Variants in PCDH9 observed in about 807,000 individuals in gnomAD.
PCDH9 encodes the protein protocadherin-9.
A neutral mutation model predicts 70.6 loss-of-function variants in PCDH9; 24 were observed. That is an observed-to-expected ratio of 0.34 (90% confidence interval 0.25 to 0.48). The LOEUF (loss-of-function observed/expected upper bound fraction) is 0.48, where lower values mean the gene tolerates loss of function less well. Among genes scored for constraint, PCDH9 ranks in the 20% least tolerant of loss-of-function variants. The pLI is 0.99. For synonymous variants in PCDH9, 562 were observed against 558.5 expected, an observed-to-expected ratio of 1.01 and a Z score of -0.09; for missense variants, 1,281 against 1,503.6, an observed-to-expected ratio of 0.85 and a Z score of 2.45.
chr13:66,950,180 G>T (rs1010632712), intron 2 of PCDH9, among the ~76,000 whole-genome samples: 17 of 152,048 alleles, frequency 1.1e-4, no homozygotes, highest in African/African-American at 4.1e-4. Flanking sequence ...GTTTAAGAAT[G>T]GTTGTATATG....
intron 2 of PCDH9, chr13:67,204,420 T>C (rs2089290681): frequency 1.3e-5 from 2 of 152,248 alleles, no homozygotes; most frequent in African/African-American, 4.8e-5. Flanking sequence ...AGAAAAATCA[T>C]TACAGAATTT....
chr13:66,465,625 T>C (rs1958501898), intron 4 of PCDH9, among the ~76,000 whole-genome samples: 1 of 151,900 alleles, frequency 6.6e-6, no homozygotes, highest in Admixed American at 6.6e-5. Flanking sequence ...AACAATGAAC[T>C]AGGCTCTTCC....
rs188537523 is a variant in PCDH9 at position 67,207,149 on chromosome 13, A to G, written c.3036+18256T>C. On this transcript the variant is annotated intron_variant, in intron 2 of 4. Coordinates refer to ENST00000377865, the MANE Select transcript of PCDH9 (RefSeq NM_203487.3). The stretch of plus-strand genomic sequence containing the variant: ...AAATTTGTATAATAATGAAGCAAAA[A>G]AAAAAAAAAGGTTAAATTAGACTTC... The G allele has an allele frequency of 3.7e-3, 558 of 152,142 alleles. 5 individuals carry two copies. The highest frequency in any genetic ancestry group is 0.012 in the African/African-American group (519 of 41,526). The allele number at this position is 152,142 out of a possible 1,614,324, so 9.4% of individuals were successfully genotyped here.
intron 3 of PCDH9, among the ~76,000 whole-genome samples, chr13:66,677,803 C>G (rs2078264928): frequency 6.6e-6 from 1 of 152,080 alleles, no homozygotes; most frequent in African/African-American, 2.4e-5. Flanking sequence ...AACCTCTTCT[C>G]TTTATAAATT....
At chr13:66,914,626 T>C (rs1047802907) in intron 2 of PCDH9, 2 of 151,894 alleles carry the variant, frequency 1.3e-5, no homozygotes, top group African/African-American at 4.8e-5. Context: ...TGTGATTGTA[T>C]ACTCTCCTCA....
At chr13:67,018,631 A>C (rs1328524050) in intron 2 of PCDH9, among the ~76,000 whole-genome samples, 1 of 151,584 alleles carries the variant, frequency 6.6e-6, no homozygotes, top group Non-Finnish European at 1.5e-5. Context: ...AAAAAAAAAA[A>C]AGGAAAAAAA....
intron 4 of PCDH9, among the ~76,000 whole-genome samples, chr13:66,468,257 T>TGCAATC (rs1958553525): frequency 6.6e-6 from 1 of 152,068 alleles, no homozygotes; most frequent in Non-Finnish European, 1.5e-5. Flanking sequence ...ACACATTACC[T>TGCAATC]GCAATCTGTC....
At chr13:66,582,499 G>A (rs1470774819) in intron 4 of PCDH9, among the ~76,000 whole-genome samples, 2 of 152,064 alleles carry the variant, frequency 1.3e-5, no homozygotes, top group East Asian at 1.9e-4. Flanking sequence ...CTTGTGTGGT[G>A]TTGTACACCT....
intron 3 of PCDH9, among the ~76,000 whole-genome samples, chr13:66,846,447 A>C (rs2081211530): frequency 6.6e-6 from 1 of 152,128 alleles, no homozygotes. Flanking sequence ...TTAGCCACCT[A>C]AAATACTAGA....
intron 3 of PCDH9, among the ~76,000 whole-genome samples, chr13:66,690,866 G>A (rs1351841459): frequency 6.6e-6 from 1 of 152,174 alleles, no homozygotes; most frequent in Non-Finnish European, 1.5e-5. Context: ...ATGCTAGAAT[G>A]CAAGCAAGAC....
At chr13:66,952,125 T>C (rs770055763) in intron 2 of PCDH9, among the ~76,000 whole-genome samples, 3 of 152,210 alleles carry the variant, frequency 2.0e-5, no homozygotes, top group Non-Finnish European at 4.4e-5. Flanking sequence ...TTATATGGTT[T>C]TGTACAGTCT....
intron 4 of PCDH9, among the ~76,000 whole-genome samples, chr13:66,551,207 A>G (rs1961471440): frequency 6.6e-6 from 1 of 152,116 alleles, no homozygotes; most frequent in African/African-American, 2.4e-5. Context: ...CGACCTTGGA[A>G]CTCAGATCCC....
chr13:66,772,948 T>C (rs964882040), intron 3 of PCDH9, among the ~76,000 whole-genome samples: 1 of 152,062 alleles, frequency 6.6e-6, no homozygotes, highest in African/African-American at 2.4e-5. Flanking sequence ...GTTTCAGTCA[T>C]TTAAATTTCG....
chr13:67,014,394 AG>A (rs1479258389), intron 2 of PCDH9, among the ~76,000 whole-genome samples: 1 of 152,096 alleles, frequency 6.6e-6, no homozygotes, highest in Non-Finnish European at 1.5e-5. Flanking sequence ...GGTGTCTTCT[AG>A]AACTTTTATT....
At chr13:67,214,760 G>A (rs924758795) in intron 2 of PCDH9, 4 of 151,384 alleles carry the variant, frequency 2.6e-5, no homozygotes, top group African/African-American at 9.7e-5. Flanking sequence ...GATGAACACA[G>A]GTGAGTCGTG....
intron 2 of PCDH9, chr13:67,222,029 G>T (rs1411389613): frequency 6.6e-6 from 1 of 152,126 alleles, no homozygotes; most frequent in Non-Finnish European, 1.5e-5. Context: ...AGCCTCTGGG[G>T]TAGAACCCAA....
chr13:67,081,002 T>C (rs2085972044), intron 2 of PCDH9, among the ~76,000 whole-genome samples: 1 of 152,206 alleles, frequency 6.6e-6, no homozygotes, highest in Non-Finnish European at 1.5e-5. Flanking sequence ...ACCATTAAAC[T>C]TTTGCTTATC....
intron 2 of PCDH9, among the ~76,000 whole-genome samples, chr13:66,950,944 T>C (rs994016802): frequency 6.9e-6 from 1 of 144,802 alleles, no homozygotes; most frequent in African/African-American, 2.7e-5. Context: ...ATCAGATACA[T>C]TTAACCCTTG....
intron 3 of PCDH9, among the ~76,000 whole-genome samples, chr13:66,881,328 A>G (rs944215152): frequency 6.6e-6 from 1 of 152,228 alleles, no homozygotes; most frequent in Non-Finnish European, 1.5e-5. Context: ...TCTCACAATC[A>G]TGGCAGAAGG....
Sources: gnomAD v4.1 joint callset for allele counts (sites outside exome capture counted in the v4.1 genomes callset) on GRCh38, gnomAD v4.1.1 for gene constraint, MANE v1.5 for transcripts, NCBI Gene and HGNC (gene_info 2026-07-23, HGNC 2026-07-21) for gene names.